Variants in TACC1 observed in about 807,000 individuals in gnomAD.
TACC1 encodes transforming acidic coiled-coil-containing protein 1.
TACC1 carries 48 observed loss-of-function variants against 84.4 expected under a neutral mutation model. The ratio of observed to expected loss-of-function variants is 0.57; its 90% confidence interval spans 0.45 to 0.72. TACC1 has a LOEUF of 0.72. TACC1 is among the 30% of genes least tolerant of loss of function. The pLI is 0.00. For synonymous variants in TACC1, 372 were observed against 376.3 expected, an observed-to-expected ratio of 0.99 and a Z score of 0.13; for missense variants, 920 against 973.0, an observed-to-expected ratio of 0.95 and a Z score of 0.72.
upstream of TACC1, among the ~76,000 whole-genome samples, chr8:38,785,423 G>C (rs1205551410): frequency 2.6e-5 from 4 of 152,276 alleles, no homozygotes; most frequent in East Asian, 7.7e-4. Flanking sequence ...GGGCATAGAG[G>C]GGAATGGGAA....
rs189797184 is a variant in TACC1, at chr8:38,792,622, C to G, written c.277+3803C>G. On this transcript the variant is annotated intron_variant, in intron 2 of 12. Transcript: ENST00000317827. ...CTAGGACCACAGGCGCCCACCACTA[C>G]GCCCAGCTAATTTTTTGTATTTTTA... 7.2e-5 allele frequency among the ~76,000 whole-genome samples: 11 copies of G among 152,286 alleles called. No individual in the cohort carries two copies. In the South Asian group the frequency reaches 2.3e-3, roughly 32 times the overall value.
chr8:38,833,641 T>C (rs542960171), intron 6 of TACC1, among the ~76,000 whole-genome samples: 1 of 152,202 alleles, frequency 6.6e-6, no homozygotes, highest in East Asian at 1.9e-4. Context: ...TGTGTTAGCA[T>C]TGAGTTGTTA....
At chr8:38,760,986 C>T (rs776199827) in intron 3 of TACC1, among the ~76,000 whole-genome samples, 2 of 152,204 alleles carry the variant, frequency 1.3e-5, no homozygotes, top group African/African-American at 2.4e-5. Flanking sequence ...GGCAGGGTCT[C>T]TTCTGCAGGG....
At chr8:38,728,949 T>C (rs1410485333) in intron 1 of TACC1, among the ~76,000 whole-genome samples, 1 of 152,244 alleles carries the variant, frequency 6.6e-6, no homozygotes, top group African/African-American at 2.4e-5. Context: ...TGTGAATCCC[T>C]GATTTTGCTC....
At chr8:38,826,979 C>G (rs1828213917) in intron 4 of TACC1, among the ~76,000 whole-genome samples, 189 bp from the exon 5 acceptor site, 1 of 152,200 alleles carries the variant, frequency 6.6e-6, no homozygotes, top group South Asian at 2.1e-4. Flanking sequence ...GTTACAGAAA[C>G]TAGGTTCTAT....
At position 38,739,243 on chromosome 8, in the gene TACC1, G is replaced by A. The variant is rs181305739; in HGVS notation, c.-674-3108G>A. Among the ~76,000 whole-genome samples, 5 of 152,302 alleles carry A rather than the reference G, an allele frequency of 3.3e-5. No individual in the cohort carries two copies. In the East Asian group the frequency reaches 9.6e-4, roughly 29 times the overall value. ...AAGCTAAACATGAATTCATACTGAT[G>A]TCTATAACTCTAATTCATTGTCATA... On this transcript the variant is annotated intron_variant, in intron 1 of 14. Coordinates refer to the TACC1 transcript ENST00000518415.
chr8:38,748,060 T>C (rs1419574700), intron 3 of TACC1, among the ~76,000 whole-genome samples: 1 of 152,030 alleles, frequency 6.6e-6, no homozygotes, highest in Non-Finnish European at 1.5e-5. Flanking sequence ...ATATAAACTA[T>C]GTGCAAAGAC....
At chr8:38,777,537 T>A (rs1042623139) in intron 3 of TACC1, among the ~76,000 whole-genome samples, 7 of 152,158 alleles carry the variant, frequency 4.6e-5, no homozygotes, top group Admixed American at 2.0e-4. Context: ...ATCCCACTGC[T>A]TCTGTAGGCC....
At chr8:38,789,550 A>G (rs138170695) in intron 2 of TACC1, among the ~76,000 whole-genome samples, 9 of 152,336 alleles carry the variant, frequency 5.9e-5, no homozygotes, top group South Asian at 2.1e-4. Flanking sequence ...CAAAATATCT[A>G]TGTCAGCTTG....
chr8:38,830,990 T>TAA, intron 5 of TACC1, 135 bp from the exon 6 acceptor site: 1 of 742,648 alleles, frequency 1.3e-6, no homozygotes, highest in South Asian at 1.8e-5. Flanking sequence ...AGCGCTCCTT[T>TAA]TAAATAAAAT....
chr8:38,807,321 A>G (rs1823001995), intron 2 of TACC1, among the ~76,000 whole-genome samples: 1 of 152,102 alleles, frequency 6.6e-6, no homozygotes, highest in Non-Finnish European at 1.5e-5. Flanking sequence ...GATATGAGAT[A>G]TTGTTTATGT....
chr8:38,791,883 C>G (rs1191490901), intron 2 of TACC1, among the ~76,000 whole-genome samples: 2 of 152,166 alleles, frequency 1.3e-5, no homozygotes, highest in Non-Finnish European at 2.9e-5. Context: ...GTGCTGACTT[C>G]TGTATAGTTC....
At chr8:38,786,843 G>T (rs1476369973), upstream of TACC1, among the ~76,000 whole-genome samples, 2 of 148,998 alleles carry the variant, frequency 1.3e-5, no homozygotes, top group Non-Finnish European at 1.5e-5. Flanking sequence ...TTTTTTTTTG[G>T]TAACAAGGGG....
intron 3 of TACC1, among the ~76,000 whole-genome samples, chr8:38,758,678 C>CA (rs773304871): frequency 0.041 from 1,075 of 26,038 alleles, 237 homozygotes; most frequent in East Asian, 0.13. Context: ...GACTCCATCT[C>CA]AAAAAAAAAA....
chr8:38,787,154 G>A (rs1365767638), upstream of TACC1: 2 of 984,300 alleles, frequency 2.0e-6, no homozygotes, highest in African/African-American at 3.5e-5. Context: ...GCGCGCGCGC[G>A]CGAGTAGTAC....
At chr8:38,756,769 CAGGCCTCCCCTAGT>C (rs939700568) in intron 3 of TACC1, among the ~76,000 whole-genome samples, 3 of 152,212 alleles carry the variant, frequency 2.0e-5, no homozygotes, top group African/African-American at 7.2e-5. Context: ...CAGCGCAGTC[CAGGCCTCCCCTAGT>C]CTCAGGAGGC....
chr8:38,830,550 A>T (rs1828998548), intron 5 of TACC1, among the ~76,000 whole-genome samples: 1 of 152,226 alleles, frequency 6.6e-6, no homozygotes, highest in East Asian at 1.9e-4. Flanking sequence ...TACAGGCATG[A>T]GCCACTGTGC....
intron 3 of TACC1, among the ~76,000 whole-genome samples, chr8:38,746,302 T>C (rs1191278628): frequency 6.6e-6 from 1 of 152,232 alleles, no homozygotes; most frequent in African/African-American, 2.4e-5. Context: ...CCCCCTTTTT[T>C]GGTTGCTCTT....
intron 1 of TACC1, among the ~76,000 whole-genome samples, chr8:38,731,750 AACAAC>A (rs1312416787): frequency 6.6e-6 from 1 of 150,594 alleles, no homozygotes. Context: ...CAACAACAAC[AACAAC>A]AACAACAACA....
Sources: gnomAD v4.1 joint callset for allele counts (sites outside exome capture counted in the v4.1 genomes callset) on GRCh38, gnomAD v4.1.1 for gene constraint, MANE v1.5 for transcripts, NCBI Gene and HGNC (gene_info 2026-07-23, HGNC 2026-07-21) for gene names.